Variants in TDRD3 observed in about 807,000 individuals in gnomAD.
TDRD3 encodes the protein tudor domain-containing protein 3.
A neutral mutation model predicts 86.7 loss-of-function variants in TDRD3; 45 were observed. The ratio of observed to expected loss-of-function variants is 0.52; its 90% confidence interval spans 0.41 to 0.67. The LOEUF (loss-of-function observed/expected upper bound fraction) is 0.67. Among genes scored for constraint, TDRD3 ranks in the 30% least tolerant of loss-of-function variants. The probability of loss-of-function intolerance (pLI) is 0.00; values close to 1 mark genes in which losing one functional copy is unlikely to be tolerated. For missense variants in TDRD3, 814 were observed against 889.0 expected (o/e 0.92, Z 1.07); for synonymous variants, 298 against 301.7 (o/e 0.99, Z 0.13).
intron 10 of TDRD3, among the ~76,000 whole-genome samples, chr13:60,520,463 A>G (rs963853999): frequency 1.3e-5 from 2 of 152,058 alleles, no homozygotes; most frequent in African/African-American, 2.4e-5. Flanking sequence ...ACTCTTCCCT[A>G]CTTTCATCAC....
intron 8 of TDRD3, among the ~76,000 whole-genome samples, chr13:60,495,139 A>G (rs1956685677): frequency 6.6e-6 from 1 of 152,222 alleles, no homozygotes; most frequent in African/African-American, 2.4e-5. Context: ...TCTTTAGGGT[A>G]CAGAATATCC....
intron 10 of TDRD3, among the ~76,000 whole-genome samples, chr13:60,515,122 G>A (rs1442923425): frequency 1.3e-5 from 2 of 152,144 alleles, no homozygotes; most frequent in Admixed American, 6.5e-5. Context: ...AAACAAAACA[G>A]TACTGAGCAA....
chr13:60,454,076 A>T (rs1291984365), intron 3 of TDRD3, among the ~76,000 whole-genome samples: 1 of 152,154 alleles, frequency 6.6e-6, no homozygotes. Flanking sequence ...TTCAGCTCTA[A>T]ATATTTTTCA....
chr13:60,510,789 CTTTCT>C, intron 10 of TDRD3, 34 bp downstream of exon 10: 1 of 1,340,896 alleles, frequency 7.5e-7, no homozygotes, highest in Non-Finnish European at 9.7e-7. Flanking sequence ...CTTTTTTTTT[CTTTCT>C]TTTCTTTCTT....
chr13:60,507,485 A>C (rs1956964270), intron 8 of TDRD3, among the ~76,000 whole-genome samples: 1 of 152,214 alleles, frequency 6.6e-6, no homozygotes, highest in Non-Finnish European at 1.5e-5. Flanking sequence ...AAATAATAAC[A>C]GTCTGTCAGA....
intron 6 of TDRD3, among the ~76,000 whole-genome samples, chr13:60,484,458 G>A (rs1172450798): frequency 6.6e-6 from 1 of 152,016 alleles, no homozygotes; most frequent in African/African-American, 2.4e-5. Flanking sequence ...CAAGAGTGCT[G>A]GGCTAAGAGT....
intron 1 of TDRD3, among the ~76,000 whole-genome samples, chr13:60,430,950 C>A (rs941232678): frequency 6.6e-6 from 1 of 151,898 alleles, no homozygotes; most frequent in Non-Finnish European, 1.5e-5. Context: ...TGTAACTATT[C>A]TACAGCAAAA....
intron 5 of TDRD3, among the ~76,000 whole-genome samples, chr13:60,479,828 T>C (rs1174672975): frequency 6.6e-6 from 1 of 152,200 alleles, no homozygotes; most frequent in African/African-American, 2.4e-5. Flanking sequence ...ACCCCTGCTC[T>C]TTTTTGTTTT....
chr13:60,558,516 A>T (rs1958253633), intron 12 of TDRD3, among the ~76,000 whole-genome samples: 1 of 152,176 alleles, frequency 6.6e-6, no homozygotes, highest in Non-Finnish European at 1.5e-5. Context: ...TTTCATTATT[A>T]ATCATAATTG....
intron 3 of TDRD3, among the ~76,000 whole-genome samples, chr13:60,456,656 T>G (rs1955678803): frequency 6.6e-6 from 1 of 152,172 alleles, no homozygotes; most frequent in Non-Finnish European, 1.5e-5. Context: ...GAAGAAAGAT[T>G]TAGAAATTAA....
intron 3 of TDRD3, among the ~76,000 whole-genome samples, chr13:60,454,327 T>C (rs912128798): frequency 2.6e-5 from 4 of 152,190 alleles, no homozygotes; most frequent in African/African-American, 9.6e-5. Flanking sequence ...TTTAGGCTTA[T>C]TATTTTGTAG....
At chr13:60,514,378 G>C (rs1177869843) in intron 10 of TDRD3, among the ~76,000 whole-genome samples, 1 of 152,146 alleles carries the variant, frequency 6.6e-6, no homozygotes, top group African/African-American at 2.4e-5. Context: ...GGTTCTCAGG[G>C]ACACCTGCTC....
chr13:60,485,024 G>C (rs1263371453), intron 6 of TDRD3, among the ~76,000 whole-genome samples: 1 of 151,990 alleles, frequency 6.6e-6, no homozygotes, highest in African/African-American at 2.4e-5. Context: ...AAAAATTCTT[G>C]TATAGCATCT....
intron 3 of TDRD3, among the ~76,000 whole-genome samples, chr13:60,453,659 A>G (rs940958338): frequency 1.3e-5 from 2 of 152,192 alleles, no homozygotes; most frequent in African/African-American, 4.8e-5. Context: ...TCACTAGGTT[A>G]ATGGCTGCTC....
In TDRD3 at chr13:60,460,558, T is replaced by C; in HGVS notation, c.353+18T>C. ...AAAATAAGGTGATTGGCACTTTATTTTGTGTATTTGTTACAGAATGTTGAA... is the reference window on the plus strand; with the variant it reads ...AAAATAAGGTGATTGGCACTTTATTCTGTGTATTTGTTACAGAATGTTGAA... On this transcript the variant is annotated intron_variant, in intron 4 of 13. Transcript: ENST00000377881. 1 of 1,524,812 alleles carries C rather than the reference T, an allele frequency of 6.6e-7. No individual in the cohort carries two copies. The highest frequency in any genetic ancestry group is 8.7e-7 in the Non-Finnish European group (1 of 1,146,008). The allele number at this position is 1,524,812 out of a possible 1,614,324, so 94.5% of individuals were successfully genotyped here.
intron 1 of TDRD3, among the ~76,000 whole-genome samples, chr13:60,434,503 C>T (rs373771350): frequency 1.3e-5 from 2 of 151,028 alleles, no homozygotes; most frequent in African/African-American, 4.9e-5. Flanking sequence ...TACTAAACTG[C>T]GGTGACTTAA....
intron 1 of TDRD3, among the ~76,000 whole-genome samples, chr13:60,403,291 C>G (rs1954150522): frequency 6.6e-6 from 1 of 152,168 alleles, no homozygotes. Flanking sequence ...GCTAAATCAA[C>G]TAAAATTGCA....
chr13:60,473,726 A>C (rs1021184438), intron 5 of TDRD3, among the ~76,000 whole-genome samples: 2 of 152,228 alleles, frequency 1.3e-5, no homozygotes, highest in African/African-American at 4.8e-5. Context: ...AGAAGACAAG[A>C]GTGTGAGCCC....
intron 11 of TDRD3, among the ~76,000 whole-genome samples, chr13:60,534,899 G>A (rs1957665043): frequency 7.1e-6 from 1 of 140,506 alleles, no homozygotes; most frequent in African/African-American, 2.7e-5. Context: ...TTGCACTCCA[G>A]CCTGGGCGAC....
Sources: gnomAD v4.1 joint callset for allele counts (sites outside exome capture counted in the v4.1 genomes callset) on GRCh38, gnomAD v4.1.1 for gene constraint, MANE v1.5 for transcripts, NCBI Gene and HGNC (gene_info 2026-07-23, HGNC 2026-07-21) for gene names.